The following SIM2 variants were observed in gnomAD, a reference collection of about 807,000 sequenced individuals.
The protein encoded by SIM2 is SIM bHLH transcription factor 2.
In SIM2, 28 loss-of-function variants were observed where a neutral mutation model predicts 64.8. The observed-to-expected ratio is 0.43, with a 90% confidence interval of 0.32 to 0.59. The LOEUF (loss-of-function observed/expected upper bound fraction) is 0.59, where lower values mean the gene tolerates loss of function less well. Among genes scored for constraint, SIM2 ranks in the 20% least tolerant of loss-of-function variants. The pLI is 0.07. For synonymous variants in SIM2, 408 were observed against 391.1 expected (o/e 1.04, Z -0.51); for missense variants, 847 against 871.4 (o/e 0.97, Z 0.35).
chr21:36,711,217 G>T (rs1237312403), intron 2 of SIM2, among the ~76,000 whole-genome samples: 1 of 152,166 alleles, frequency 6.6e-6, no homozygotes, highest in East Asian at 1.9e-4. Context: ...AGATATGGCT[G>T]GTTGTGAGAT....
intron 7 of SIM2, among the ~76,000 whole-genome samples, chr21:36,741,260 A>G (rs1022520652): frequency 5.3e-5 from 8 of 152,274 alleles, no homozygotes; most frequent in African/African-American, 1.9e-4. Context: ...AGCAAACATC[A>G]GCAACAGCTT....
At chr21:36,718,378 A>G (rs1180161540) in intron 3 of SIM2, among the ~76,000 whole-genome samples, 1 of 152,108 alleles carries the variant, frequency 6.6e-6, no homozygotes, top group Admixed American at 6.6e-5. Flanking sequence ...CACCGTCAGG[A>G]TGGCCACTTT....
chr21:36,741,982 GT>G (rs1010250740), intron 8 of SIM2, 118 bp downstream of exon 8: 24 of 1,062,730 alleles, frequency 2.3e-5, no homozygotes, highest in African/African-American at 6.8e-5. Context: ...TTTGTCTTCT[GT>G]TTTTTTTCTT....
At position 36,747,155 on chromosome 21, in the gene SIM2, C is replaced by A. The variant is rs1412656180; in HGVS notation, c.1577-510C>A. On this transcript the variant is annotated intron_variant, in intron 10 of 10. Coordinates refer to ENST00000290399, the MANE Select transcript of SIM2 (RefSeq NM_005069.6). This position sits in a 1 kb window ranked among gnomAD's most constrained non-coding sequence, Gnocchi z 4.5. ...ACGGCGAAACCGATCGGGGTGGTTA[C>A]CACCCCTCTCCACTAAGGGACGGGC... Among the ~76,000 whole-genome samples the A allele has an allele frequency of 6.6e-6, 1 of 151,932 alleles. No homozygotes were observed. Among genetic ancestry groups the A allele is most frequent in the Non-Finnish European group, 1.5e-5 (1 of 67,988 alleles).
intron 6 of SIM2, among the ~76,000 whole-genome samples, chr21:36,727,562 T>C (rs747386905): frequency 7.2e-5 from 11 of 152,148 alleles, no homozygotes; most frequent in Admixed American, 2.6e-4. Flanking sequence ...TGAGATTAGA[T>C]AATAGACGGA....
rs1156943050 is a variant in SIM2, at chr21:36,747,460, G to C, written c.1577-205G>C. Among the ~76,000 whole-genome samples, 5 of 152,168 alleles carry C rather than the reference G, an allele frequency of 3.3e-5. No individual in the cohort carries two copies. Among genetic ancestry groups the C allele is most frequent in the Admixed American group, 1.3e-4 (2 of 15,280 alleles). ...TAACAGGCATTCCACCTGTTTCCCT[G>C]CTTTGTAACGCGGCTCCTGGAACAT... On this transcript the variant is annotated intron_variant, in intron 10 of 10. Coordinates refer to ENST00000290399, the MANE Select transcript of SIM2 (RefSeq NM_005069.6). The surrounding 1 kb of genome is among the most constrained non-coding windows in gnomAD (Gnocchi z 4.5).
chr21:36,738,449 G>T (rs1158171379), intron 7 of SIM2, among the ~76,000 whole-genome samples: 1 of 152,198 alleles, frequency 6.6e-6, no homozygotes. Flanking sequence ...AGGTTGCAGT[G>T]AGCTGAGCTC....
intron 3 of SIM2, among the ~76,000 whole-genome samples, chr21:36,716,871 T>TG (rs1202080114): frequency 1.7e-4 from 26 of 152,186 alleles, no homozygotes; most frequent in Admixed American, 1.6e-3. Context: ...TTTTTTTTTT[T>TG]TTTGTGAGGT....
At position 36,745,022 on chromosome 21, in the gene SIM2, G is replaced by C. The variant is rs755379484; in HGVS notation, c.1462G>C (p.Glu488Gln). ...FFLSTLPASG[E>Q]CQWHYANPLV... ...CCTGAGCACACTGCCAGCCAGCGGT[G>C]AATGCCAGTGGCATTATGCCAACCC... Residue 488 changes from glutamate to glutamine, a missense_variant, in exon 10 of 11, where the codon GAA becomes CAA. By Grantham distance (29) the Glu-to-Gln change is conservative. This residue lies in a region of SIM2 where 447 missense variants were observed against 414.6 expected (regional missense o/e 1.08). Transcript: ENST00000290399. This position sits in a 1 kb window ranked among gnomAD's most constrained non-coding sequence, Gnocchi z 4.8. The C allele has an allele frequency of 1.2e-6, 2 of 1,614,202 alleles. No individual in the cohort carries two copies. The highest frequency in any genetic ancestry group is 2.2e-5 in the South Asian group (2 of 91,088).
chr21:36,708,508 C>T (rs1471957317), intron 1 of SIM2, among the ~76,000 whole-genome samples: 2 of 152,220 alleles, frequency 1.3e-5, no homozygotes, highest in Non-Finnish European at 2.9e-5. Flanking sequence ...CTCTCACCGC[C>T]GGCAGATTGG....
At chr21:36,701,043 C>T (rs1368520131) in intron 1 of SIM2, among the ~76,000 whole-genome samples, 1 of 152,234 alleles carries the variant, frequency 6.6e-6, no homozygotes, top group African/African-American at 2.4e-5. Context: ...GCCGCGTCTT[C>T]CAGAGCCTCT....
intron 6 of SIM2, among the ~76,000 whole-genome samples, chr21:36,729,232 G>A (rs2088933579): frequency 1.3e-5 from 2 of 152,176 alleles, no homozygotes; most frequent in South Asian, 2.1e-4. Context: ...CGGTAGAGAT[G>A]CCTGGTTTTC....
chr21:36,706,534 G>A (rs573153854), intron 1 of SIM2, among the ~76,000 whole-genome samples: 1 of 152,348 alleles, frequency 6.6e-6, no homozygotes, highest in African/African-American at 2.4e-5. Context: ...CCCTTCCTTA[G>A]GTCCAGATGA....
At chr21:36,723,231 C>A in intron 5 of SIM2, 101 bp downstream of exon 5, 4 of 903,296 alleles carry the variant, frequency 4.4e-6, no homozygotes, top group South Asian at 4.0e-5. Context: ...ACAAACTCGT[C>A]ATCCCCACTA....
intron 7 of SIM2, among the ~76,000 whole-genome samples, chr21:36,737,390 G>C (rs1358090417): frequency 3.3e-5 from 5 of 152,168 alleles, no homozygotes; most frequent in Non-Finnish European, 7.4e-5. Context: ...CGCTTTCTTT[G>C]TTTCATGTTT....
At position 36,709,157 on chromosome 21, in the gene SIM2, C is replaced by G. The variant is rs755630311; in HGVS notation, c.176-11C>G. 6.2e-7 allele frequency: 1 copy of G among 1,604,902 alleles called. No individual in the cohort carries two copies. Among genetic ancestry groups the G allele is most frequent in the Non-Finnish European group, 8.5e-7 (1 of 1,176,632 alleles). On this transcript the variant is annotated splice_polypyrimidine_tract_variant and intron_variant, in intron 1 of 10. Transcript: ENST00000290399. Reference sequence around the variant, plus strand: ...CTGCAGTTTACCGATTTGCTTTCGTCCCTCGTCCAGGTTTAGGAGACGCGT... The same window carrying G: ...CTGCAGTTTACCGATTTGCTTTCGTGCCTCGTCCAGGTTTAGGAGACGCGT...
intron 3 of SIM2, among the ~76,000 whole-genome samples, chr21:36,718,857 A>G (rs2123448446): frequency 6.6e-6 from 1 of 152,352 alleles, no homozygotes; most frequent in South Asian, 2.1e-4. Flanking sequence ...GTGGGGGCCC[A>G]GGTGTTGAGA....
chr21:36,728,288 A>C (rs1188197047), intron 6 of SIM2, among the ~76,000 whole-genome samples: 1 of 152,040 alleles, frequency 6.6e-6, no homozygotes, highest in East Asian at 1.9e-4. Context: ...CTTCTAGGAA[A>C]CCCCTGAGAC....
At chr21:36,741,967 G>T in intron 8 of SIM2, 103 bp downstream of exon 8, 53 of 1,140,382 alleles carry the variant, frequency 4.6e-5, no homozygotes, top group South Asian at 2.4e-4. Context: ...TTCTCAAACT[G>T]TTCATTTGTC....
Sources: gnomAD v4.1 joint callset for allele counts (sites outside exome capture counted in the v4.1 genomes callset) on GRCh38, gnomAD v4.1.1 for gene constraint, gnomAD v4.1.1 regional missense constraint, Gnocchi (gnomAD v3.1) non-coding constraint, MANE v1.5 for transcripts, NCBI Gene and HGNC (gene_info 2026-07-23, HGNC 2026-07-21) for gene names.